The following PRKAG2 variants were observed in gnomAD, a reference collection of about 807,000 sequenced individuals.
PRKAG2 encodes the protein 5'-AMP-activated protein kinase subunit gamma-2.
A neutral mutation model predicts 69.6 loss-of-function variants in PRKAG2; 26 were observed. The observed-to-expected ratio is 0.37, with a 90% CI of 0.27 to 0.52. The LOEUF is 0.52. Among genes scored for constraint, PRKAG2 ranks in the 20% least tolerant of loss-of-function variants. The probability of loss-of-function intolerance (pLI) is 0.90; values close to 1 mark genes in which losing one functional copy is unlikely to be tolerated. For missense variants in PRKAG2, 557 were observed against 740.0 expected, an observed-to-expected ratio of 0.75 and a Z score of 2.87; for synonymous variants, 293 against 285.0, an observed-to-expected ratio of 1.03 and a Z score of -0.28.
chr7:151,599,821 T>C (rs770171258), intron 5 of PRKAG2, among the ~76,000 whole-genome samples: 17 of 152,186 alleles, frequency 1.1e-4, no homozygotes, highest in Admixed American at 1.3e-4. Flanking sequence ...GGCCCCAGGA[T>C]TGGGGACCCC....
intron 3 of PRKAG2, among the ~76,000 whole-genome samples, chr7:151,703,747 G>A (rs1445062319): frequency 2.0e-5 from 3 of 151,896 alleles, no homozygotes; most frequent in Non-Finnish European, 4.4e-5. Flanking sequence ...GCTTATGCCT[G>A]TAATCCCAGC....
At position 151,565,819 on chromosome 7, in the gene PRKAG2, G is replaced by A; in HGVS notation, c.1300C>T (p.His434Tyr). The change falls in exon 12 of 16, where the codon CAC becomes TAC. Residue 434 changes from histidine (H) to tyrosine (Y), a missense_variant. Physicochemically the swap from His to Tyr is moderately conservative, Grantham distance 83 (BLOSUM62 2). This residue lies in a region of PRKAG2 where 205 missense variants were observed against 383.4 expected (regional missense o/e 0.53). Coordinates refer to ENST00000287878, the MANE Select transcript of PRKAG2 (RefSeq NM_016203.4). The stretch of plus-strand genomic sequence containing the variant: ...TCTGGATGTATGAAGGCAATGTTGT[G>A]GTACGTTCCTATTCCAAGCTCATCC... ...NLDELGIGTY[H>Y]NIAFIHPDTP... 5 of 1,612,226 alleles carry A rather than the reference G, an allele frequency of 3.1e-6. No homozygotes were observed. Among genetic ancestry groups the A allele is most frequent in the Non-Finnish European group, 4.2e-6 (5 of 1,178,294 alleles).
intron 6 of PRKAG2, among the ~76,000 whole-genome samples, chr7:151,579,808 G>A (rs1034102843): frequency 2.7e-4 from 41 of 152,090 alleles, no homozygotes; most frequent in African/African-American, 3.6e-4. Flanking sequence ...ATCAGCTAGA[G>A]GGGGAAAAGA....
At chr7:151,866,190 G>A (rs1057262357) in intron 1 of PRKAG2, among the ~76,000 whole-genome samples, 21 of 152,094 alleles carry the variant, frequency 1.4e-4, no homozygotes, top group Admixed American at 1.0e-3. Flanking sequence ...AGCAGACGCC[G>A]CCCTCTCTGG....
intron 3 of PRKAG2, among the ~76,000 whole-genome samples, chr7:151,768,668 T>C (rs1005276945): frequency 2.6e-5 from 4 of 152,198 alleles, no homozygotes; most frequent in African/African-American, 4.8e-5. Flanking sequence ...GGTTTCGCCA[T>C]GTTGGCCAGG....
intron 3 of PRKAG2, among the ~76,000 whole-genome samples, chr7:151,744,043 T>C (rs1031129577): frequency 6.6e-6 from 1 of 152,194 alleles, no homozygotes; most frequent in Non-Finnish European, 1.5e-5. Flanking sequence ...TCAGGGGAAC[T>C]GCAGATGGGC....
At chr7:151,689,393 TG>T (rs1436994828) in intron 3 of PRKAG2, among the ~76,000 whole-genome samples, 3 of 152,154 alleles carry the variant, frequency 2.0e-5, no homozygotes, top group Non-Finnish European at 4.4e-5. Flanking sequence ...CATCCCCTCC[TG>T]GAAGTGTATC....
intron 6 of PRKAG2, among the ~76,000 whole-genome samples, chr7:151,590,370 G>A (rs1033340052): frequency 5.3e-5 from 8 of 152,222 alleles, no homozygotes; most frequent in Admixed American, 3.3e-4. Context: ...ATAACTCTGC[G>A]GGGTGTGGAT....
At position 151,876,753 on chromosome 7, in the gene PRKAG2, G is replaced by T; in HGVS notation, c.-133C>A. The T allele has an allele frequency of 1.2e-6, 1 of 860,090 alleles. No homozygotes were observed. The highest frequency in any genetic ancestry group is 1.9e-6 in the Non-Finnish European group (1 of 531,998). The allele number at this position is 860,090 out of a possible 1,614,324, so 53.3% of individuals were successfully genotyped here. A position where few individuals can be genotyped will look rare whatever the true frequency, so the allele number is the denominator to read the frequency against. On this transcript the variant is annotated 5_prime_UTR_variant, in exon 1 of 16. Transcript: ENST00000287878. ...GAAGCCACCTCGTGGGGACTTCCGC[G>T]GAGAGGGAGGGTGAGCAGGGAACTC... is the stretch of plus-strand genomic sequence containing the variant.
chr7:151,647,047 T>C (rs1359910424), intron 4 of PRKAG2, among the ~76,000 whole-genome samples: 1 of 152,192 alleles, frequency 6.6e-6, no homozygotes, highest in Non-Finnish European at 1.5e-5. Context: ...GGACTCAGGG[T>C]TGGAGAGAGC....
At chr7:151,627,733 G>C (rs1347508651) in intron 5 of PRKAG2, among the ~76,000 whole-genome samples, 1 of 152,212 alleles carries the variant, frequency 6.6e-6, no homozygotes, top group East Asian at 1.9e-4. Flanking sequence ...ACTCCAGGCT[G>C]AAGTACAGTG....
intron 3 of PRKAG2, among the ~76,000 whole-genome samples, chr7:151,701,347 T>C (rs541078783): frequency 6.6e-6 from 1 of 152,258 alleles, no homozygotes; most frequent in East Asian, 1.9e-4. Flanking sequence ...CCCAAAAAGA[T>C]ACAATGAAAA....
Position 151,815,901 on chromosome 7 carries a change from G to A in PRKAG2, c.115-29360C>T, listed in dbSNP as rs1008192404. Among the ~76,000 whole-genome samples, 7 of 152,324 alleles carry A rather than the reference G, an allele frequency of 4.6e-5. 2 individuals carry two copies. The highest frequency in any genetic ancestry group is 4.6e-4 in the Admixed American group (7 of 15,302). ...TTCCAAAGATATTGAGTGATCTGTT[G>A]CTGCAGGTATTCAAGAAAAGGAGGC... On this transcript the variant is annotated intron_variant, in intron 1 of 15. Coordinates refer to ENST00000287878, the MANE Select transcript of PRKAG2 (RefSeq NM_016203.4).
chr7:151,685,359 A>G (rs1834563201), intron 3 of PRKAG2, among the ~76,000 whole-genome samples: 1 of 152,248 alleles, frequency 6.6e-6, no homozygotes, highest in African/African-American at 2.4e-5. Flanking sequence ...GCTGTGGTAG[A>G]CAAATATTTC....
At position 151,846,022 on chromosome 7, in the gene PRKAG2, T is replaced by C. The variant is rs1247991196; in HGVS notation, c.114+30485A>G. Among the ~76,000 whole-genome samples the C allele has an allele frequency of 3.3e-5, 5 of 152,154 alleles. No individual in the cohort carries two copies. The East Asian group carries it at 9.6e-4, about 29-fold the overall frequency. The stretch of plus-strand genomic sequence containing the variant: ...ACAGATGAGTCCCTGTGACATGACT[T>C]TCCAGAGCCAGACCTCCCGGCCTGA... On this transcript the variant is annotated intron_variant, in intron 1 of 15. Transcript: ENST00000287878.
chr7:151,557,883 A>C (rs13246715), intron 15 of PRKAG2: 614,891 of 962,830 alleles, frequency 0.64, 198,660 homozygotes, highest in East Asian at 0.72. Context: ...AAATAAAAAA[A>C]AAAAAAACAA....
rs1452625449 is a variant in PRKAG2, at chr7:151,703,905, CACACAA to C, written c.467-28274_467-28269del. Among the ~76,000 whole-genome samples, 469 of 129,996 alleles carry C rather than the reference CACACAA, an allele frequency of 3.6e-3. 10 individuals carry two copies. Among genetic ancestry groups the C allele is most frequent in the African/African-American group, 0.013 (425 of 32,278 alleles). 85.3% of individuals were successfully genotyped at this position (129,996 alleles called of 152,430 possible). On this transcript the variant is annotated intron_variant, in intron 3 of 15. Coordinates refer to ENST00000287878, the MANE Select transcript of PRKAG2 (RefSeq NM_016203.4). The stretch of plus-strand genomic sequence containing the variant: ...ACACACACACACACACACACACACA[CACACAA>C]ATTAGCTAGGCATGGTGGCAGGTGC...
chr7:151,794,214 T>C (rs1247208577), intron 1 of PRKAG2, among the ~76,000 whole-genome samples: 1 of 152,096 alleles, frequency 6.6e-6, no homozygotes. Flanking sequence ...CAGTTCCTCG[T>C]CTGGCCCGAG....
chr7:151,699,587 T>A lies in PRKAG2; in HGVS notation c.467-23950A>T, dbSNP rs1837317972. 6.6e-6 allele frequency among the ~76,000 whole-genome samples: 1 copy of A among 152,082 alleles called. No homozygotes were observed. Among genetic ancestry groups the A allele is most frequent in the Admixed American group, 6.5e-5 (1 of 15,272 alleles). ...GAAATAAATCAGTGAATCAATGAGA[T>A]GAGAAGTATTCACTGGGCACCGGCT... is the stretch of plus-strand genomic sequence containing the variant. On this transcript the variant is annotated intron_variant, in intron 3 of 15. Transcript: ENST00000287878. The surrounding 1 kb of genome is among the most constrained non-coding windows in gnomAD (Gnocchi z 4.5).
Sources: allele counts gnomAD v4.1 joint callset (sites outside exome capture counted in the v4.1 genomes callset), GRCh38; gene constraint gnomAD v4.1.1; regional missense constraint gnomAD v4.1.1; non-coding constraint Gnocchi (gnomAD v3.1); transcripts MANE v1.5; gene names NCBI Gene and HGNC (gene_info 2026-07-23, HGNC 2026-07-21).